Variants in THOC2 observed in about 807,000 individuals in gnomAD.
The protein encoded by THOC2 is THO complex subunit 2, also known as THO complex 2.
Under a neutral mutation model 128.4 loss-of-function variants are expected in THOC2, and 10 were observed. The observed-to-expected ratio is 0.08, with a 90% CI of 0.05 to 0.13. The LOEUF is 0.13. THOC2 is among the 10% of genes least tolerant of loss of function. The probability of loss-of-function intolerance (pLI) is 1.00; values close to 1 mark genes in which losing one functional copy is unlikely to be tolerated. For missense variants in THOC2, 535 were observed against 1,155.7 expected, an observed-to-expected ratio of 0.46 and a Z score of 7.79; for synonymous variants, 393 against 396.9, an observed-to-expected ratio of 0.99 and a Z score of 0.12.
In THOC2 at chrX:123,713,430, G is replaced by A. The variant is rs190002557; in HGVS notation, c.72-522C>T. On this transcript the variant is annotated intron_variant, in intron 1 of 38. Transcript: ENST00000245838. ...GCAGAGGTTGCAGTGAGCCAAGATC[G>A]CGCCACTGCACTGCAGCCTGGCAAC... Among the ~76,000 whole-genome samples the A allele has an allele frequency of 4.0e-3, 417 of 103,827 alleles. 2 individuals carry two copies. The highest frequency in any genetic ancestry group is 0.014 in the African/African-American group (401 of 28,059). 90.2% of individuals were successfully genotyped at this position (103,827 alleles called of 115,157 possible).
At chrX:123,727,944 C>T (rs908039171) in intron 1 of THOC2, among the ~76,000 whole-genome samples, 5 of 112,354 alleles carry the variant, frequency 4.5e-5, no homozygotes, top group Admixed American at 1.9e-4. Context: ...CATGAGTATA[C>T]GGCTTTTCAT....
At chrX:123,645,430 C>A in intron 12 of THOC2, 55 bp from the exon 13 acceptor site, 1 of 730,217 alleles carries the variant, frequency 1.4e-6, no homozygotes, top group South Asian at 2.9e-5. Context: ...ATTATGATGT[C>A]ACAATTAATT....
intron 15 of THOC2, among the ~76,000 whole-genome samples, chrX:123,641,549 G>A (rs2047913059): frequency 9.0e-6 from 1 of 111,322 alleles, no homozygotes; most frequent in African/African-American, 3.3e-5. Context: ...AGTTTTAAAA[G>A]TTAGCTATAC....
At chrX:123,624,436 C>G in intron 26 of THOC2, 105 bp downstream of exon 26, 2 of 914,012 alleles carry the variant, frequency 2.2e-6, no homozygotes, top group African/African-American at 2.0e-5. Flanking sequence ...AGTTTTACAA[C>G]TGAATCTTAA....
chrX:123,624,375 A>T (rs2047185849), intron 26 of THOC2, among the ~76,000 whole-genome samples, 166 bp downstream of exon 26: 1 of 112,614 alleles, frequency 8.9e-6, no homozygotes, highest in African/African-American at 3.2e-5. Flanking sequence ...GAGATAGAAT[A>T]AAAAAGTACA....
chrX:123,700,024 G>A (rs1182627639), intron 4 of THOC2, among the ~76,000 whole-genome samples: 2 of 110,410 alleles, frequency 1.8e-5, no homozygotes, highest in East Asian at 2.8e-4. Context: ...CCTTTACCTC[G>A]AATAAATTCT....
chrX:123,725,639 C>A (rs866765512), intron 1 of THOC2, among the ~76,000 whole-genome samples: 14 of 72,705 alleles, frequency 1.9e-4, no homozygotes, highest in South Asian at 1.8e-3. Context: ...AAAAAAAAAA[C>A]CACGATTAAG....
At position 123,600,570 on chromosome X, in the gene THOC2, T is replaced by C. The variant is rs1408338781; in HGVS notation, c.*787A>G. On this transcript the variant is annotated 3_prime_UTR_variant, in exon 39 of 39. Transcript: ENST00000245838. ...AATATACACAATAATATACAACCAT[T>C]TGAGAAAACTATTGTTTATTTAGAA... 3 of 112,401 alleles carry C rather than the reference T, an allele frequency of 2.7e-5. No homozygotes were observed. Among genetic ancestry groups the C allele is most frequent in the Non-Finnish European group, 5.6e-5 (3 of 53,159 alleles). The allele number at this position is 112,401 out of a possible 1,213,427, so 9.3% of individuals were successfully genotyped here.
rs2147643939 is a variant in THOC2 at position 123,633,019 on chromosome X, T to A, written c.2158A>T (p.Arg720Ter). 8.3e-7 allele frequency: 1 copy of A among 1,207,462 alleles called. No individual in the cohort carries two copies. The highest frequency in any genetic ancestry group is 2.2e-5 in the Admixed American group (1 of 45,678). ...KAEGGYFGQI[R>*]NTKKSSQRLK... ...CTCTGAGAGGATTTTTTAGTGTTTCTGATCTGACCAAAATAACCACCCTGC... is the reference window on the plus strand; with the variant it reads ...CTCTGAGAGGATTTTTTAGTGTTTCAGATCTGACCAAAATAACCACCCTGC... The change falls in exon 21 of 39, where the codon AGA becomes TGA. Residue 720 changes from arginine (R) to a stop codon, truncating the protein, a stop_gained. Coordinates refer to ENST00000245838, the MANE Select transcript of THOC2 (RefSeq NM_001081550.2). LOFTEE classifies it high-confidence loss of function.
chrX:123,679,650 T>A (rs1259161378), intron 8 of THOC2, among the ~76,000 whole-genome samples: 1 of 112,158 alleles, frequency 8.9e-6, no homozygotes, highest in Non-Finnish European at 1.9e-5. Flanking sequence ...CAGATCCATG[T>A]GGGGAAAAGA....
intron 3 of THOC2, among the ~76,000 whole-genome samples, chrX:123,706,038 AAT>A (rs745452093): frequency 2.0e-4 from 22 of 111,617 alleles, no homozygotes; most frequent in Admixed American, 3.8e-4. Context: ...CCCATTTTCC[AAT>A]TTAAATGGCA....
At chrX:123,714,604 A>G (rs1206077174) in intron 1 of THOC2, among the ~76,000 whole-genome samples, 4 of 111,936 alleles carry the variant, frequency 3.6e-5, no homozygotes, top group Non-Finnish European at 5.6e-5. Flanking sequence ...GAAGACTTGA[A>G]TAATACTACA....
chrX:123,690,961 C>A (rs1290316297), intron 7 of THOC2, among the ~76,000 whole-genome samples: 1 of 112,187 alleles, frequency 8.9e-6, no homozygotes, highest in Non-Finnish European at 1.9e-5. Context: ...CCTGTAATCC[C>A]AGCAATTTAG....
At chrX:123,677,044 G>A (rs2049525498) in intron 8 of THOC2, among the ~76,000 whole-genome samples, 1 of 111,342 alleles carries the variant, frequency 9.0e-6, no homozygotes, top group African/African-American at 3.3e-5. Flanking sequence ...AGCCTATATG[G>A]TACATAACCT....
intron 1 of THOC2, among the ~76,000 whole-genome samples, chrX:123,732,422 C>G (rs2052309211): frequency 8.9e-6 from 1 of 112,287 alleles, no homozygotes; most frequent in Non-Finnish European, 1.9e-5. Context: ...CCGGGTTCTT[C>G]GCGGCGCCCC....
At position 123,614,177 on chromosome X, in the gene THOC2, G is replaced by A. The variant is rs1257943573; in HGVS notation, c.4324C>T (p.His1442Tyr). 1 of 1,184,587 alleles carries A rather than the reference G, an allele frequency of 8.4e-7. No homozygotes were observed. Among genetic ancestry groups the A allele is most frequent in the South Asian group, 2.0e-5 (1 of 51,094 alleles). The change falls in exon 34 of 39, where the codon CAT becomes TAT. Residue 1442 changes from histidine (H) to tyrosine (Y), a missense_variant. This residue lies in a region of THOC2 where 116 missense variants were observed against 180.0 expected (regional missense o/e 0.64). Transcript: ENST00000245838. ...KESSAKLYIN[H>Y]TPPPLSKSKE... ...CTCTTGGACAGTGGTGGAGGAGTAT[G>A]ATTAATGTAGAGCTGTTAAATTAAG...
intron 38 of THOC2, chrX:123,603,940 T>C (rs1052478858): frequency 3.2e-5 from 4 of 125,085 alleles, no homozygotes; most frequent in African/African-American, 9.6e-5. Context: ...TGCATAGTGA[T>C]GAAGCAGTGC....
At chrX:123,622,736 AC>A in intron 30 of THOC2, 21 bp downstream of exon 30, 1 of 981,850 alleles carries the variant, frequency 1.0e-6, no homozygotes, top group East Asian at 3.1e-5. Flanking sequence ...TAGAATTATG[AC>A]ACATGGCACA....
In THOC2 at chrX:123,623,810, T is replaced by C; in HGVS notation, c.3480A>G (p.Pro1160=). ...KICQEEKEKR[P]DLYALAMGYS... The stretch of plus-strand genomic sequence containing the variant: ...ACCCCATAGCCAATGCATATAGATC[T>C]GGCCTCTTCTCTTTTTCTTCTTGGC... Residue 1160 remains proline (P), a synonymous_variant, in exon 28 of 39, where the codon CCA becomes CCG. Coordinates refer to ENST00000245838, the MANE Select transcript of THOC2 (RefSeq NM_001081550.2). The C allele has an allele frequency of 8.3e-7, 1 of 1,209,405 alleles. No homozygotes were observed. The highest frequency in any genetic ancestry group is 1.1e-6 in the Non-Finnish European group (1 of 894,607).
Sources: gnomAD v4.1 joint callset for allele counts (sites outside exome capture counted in the v4.1 genomes callset) on GRCh38, gnomAD v4.1.1 for gene constraint, gnomAD v4.1.1 regional missense constraint, MANE v1.5 for transcripts, NCBI Gene and HGNC (gene_info 2026-07-23, HGNC 2026-07-21) for gene names.